The following ASPRV1 variants were observed in gnomAD, a reference collection of about 807,000 sequenced individuals.
The protein encoded by ASPRV1 is aspartic peptidase retroviral like 1, also known as retroviral-like aspartic protease 1.
In ASPRV1, 7 loss-of-function variants were observed where a neutral mutation model predicts 11.0. The ratio of observed to expected loss-of-function variants is 0.64; its 90% CI spans 0.36 to 1.20. The LOEUF (loss-of-function observed/expected upper bound fraction) is 1.20, where lower values mean the gene tolerates loss of function less well. ASPRV1 is among the 50% of genes most tolerant of loss of function. ASPRV1 has a pLI of 0.02. For synonymous variants in ASPRV1, 136 were observed against 138.4 expected (o/e 0.98, Z 0.12); for missense variants, 299 against 320.0 (o/e 0.93, Z 0.50).
the ASPRV1 span, among the ~76,000 whole-genome samples, chr2:69,981,333 TTGAC>T: frequency 1.3e-5 from 2 of 152,226 alleles, no homozygotes; most frequent in Non-Finnish European, 2.9e-5. Context: ...ATAATATTTA[TTGAC>T]GTGGAAAATG....
chr2:70,006,420 T>C, the ASPRV1 span, among the ~76,000 whole-genome samples: 1 of 152,166 alleles, frequency 6.6e-6, no homozygotes, highest in Non-Finnish European at 1.5e-5. Context: ...GGTGTAAATC[T>C]TCCCTCTTGC....
the ASPRV1 span, among the ~76,000 whole-genome samples, chr2:69,982,047 CCATCCATCCATCCAT>C: frequency 9.5e-6 from 1 of 104,982 alleles, no homozygotes. Flanking sequence ...ATCCATCCAT[CCATCCATCCATCCAT>C]CCATCCATCC....
At chr2:70,047,211 T>TA in the ASPRV1 span, among the ~76,000 whole-genome samples, 10 of 152,042 alleles carry the variant, frequency 6.6e-5, no homozygotes, top group Non-Finnish European at 1.2e-4. Context: ...TGAGAGTGGG[T>TA]AAGAACAAGA....
chr2:70,018,564 C>CCA, the ASPRV1 span, among the ~76,000 whole-genome samples: 4 of 151,808 alleles, frequency 2.6e-5, no homozygotes, highest in Non-Finnish European at 5.9e-5. Context: ...ATGGTACCAC[C>CCA]AAAAAACAGA....
At chr2:69,978,557 C>T in the ASPRV1 span, among the ~76,000 whole-genome samples, 1 of 152,248 alleles carries the variant, frequency 6.6e-6, no homozygotes, top group East Asian at 1.9e-4. Flanking sequence ...AGCTACCTCC[C>T]GTTCACCCTG....
the ASPRV1 span, among the ~76,000 whole-genome samples, chr2:70,004,734 C>T: frequency 6.6e-6 from 1 of 152,114 alleles, no homozygotes; most frequent in Admixed American, 6.6e-5. Flanking sequence ...CTCTTCTCGT[C>T]TCCTGCTCTA....
chr2:70,008,125 C>T, the ASPRV1 span, among the ~76,000 whole-genome samples: 37 of 152,084 alleles, frequency 2.4e-4, no homozygotes, highest in Middle Eastern at 0.02. Context: ...CATGAGCCAC[C>T]GTGCCCGGTC....
At chr2:70,086,111 T>G in the ASPRV1 span, 2 of 152,196 alleles carry the variant, frequency 1.3e-5, no homozygotes, top group African/African-American at 4.8e-5. Flanking sequence ...CGCGTTAAAA[T>G]TAGGCCTCCG....
the ASPRV1 span, chr2:69,942,990 G>A: frequency 6.6e-6 from 1 of 152,072 alleles, no homozygotes; most frequent in Admixed American, 6.6e-5. Flanking sequence ...CCCTTTCGTG[G>A]TTGTCCTTGC....
chr2:69,949,951 G>A, the ASPRV1 span, among the ~76,000 whole-genome samples: 1 of 152,122 alleles, frequency 6.6e-6, no homozygotes, highest in South Asian at 2.1e-4. Context: ...GAGTAGCTGG[G>A]ATTACAGGCG....
the ASPRV1 span, among the ~76,000 whole-genome samples, chr2:70,000,986 C>A: frequency 1.3e-5 from 2 of 151,626 alleles, no homozygotes; most frequent in African/African-American, 2.4e-5. Flanking sequence ...ATCAAATTTG[C>A]AAAATTTTCA....
At chr2:70,068,817 T>C in the ASPRV1 span, among the ~76,000 whole-genome samples, 1 of 151,142 alleles carries the variant, frequency 6.6e-6, no homozygotes, top group African/African-American at 2.4e-5. Flanking sequence ...TGGTGGCACA[T>C]GCCTATAATC....
At chr2:69,982,711 G>A in the ASPRV1 span, among the ~76,000 whole-genome samples, 1 of 152,180 alleles carries the variant, frequency 6.6e-6, no homozygotes, top group Non-Finnish European at 1.5e-5. Flanking sequence ...AGGCTGGGCA[G>A]TCCTGGGGGC....
At chr2:69,945,172 G>A in the ASPRV1 span, among the ~76,000 whole-genome samples, 25 of 152,254 alleles carry the variant, frequency 1.6e-4, no homozygotes, top group East Asian at 1.9e-3. Flanking sequence ...CCAGGAGGTC[G>A]AAGCTTCTTT....
At chr2:70,026,988 C>T in the ASPRV1 span, among the ~76,000 whole-genome samples, 3 of 152,038 alleles carry the variant, frequency 2.0e-5, no homozygotes, top group East Asian at 1.9e-4. Context: ...TGGACACTCA[C>T]GCCTGTAATC....
At chr2:70,035,336 C>G in the ASPRV1 span, among the ~76,000 whole-genome samples, 6 of 152,258 alleles carry the variant, frequency 3.9e-5, no homozygotes, top group South Asian at 1.2e-3. Context: ...TACCAGCTCA[C>G]AGAGCAGAAA....
In ASPRV1 at chr2:69,960,886, AG is replaced by A; in HGVS notation, c.550del (p.Leu184Ter). On this transcript the variant is annotated frameshift_variant, in exon 1 of 1. Coordinates refer to ENST00000320256, the MANE Select transcript of ASPRV1 (RefSeq NM_152792.4). LOFTEE classifies it high-confidence loss of function. ...DTAVSLGKLK[L>X]KAQFLVANAS... is the part of the protein sequence containing the mutation. ...ATTGGCCACTAGGAACTGTGCCTTC[AG>A]CTTCAGCTTGCCTAGGGACACCGCT... 1 of 1,614,100 alleles carries A rather than the reference AG, an allele frequency of 6.2e-7. No homozygotes were observed. Among genetic ancestry groups the A allele is most frequent in the Non-Finnish European group, 8.5e-7 (1 of 1,180,016 alleles).
chr2:70,056,604 C>CAAAAAAAAA, the ASPRV1 span: 10 of 75,696 alleles, frequency 1.3e-4, 2 homozygotes, highest in African/African-American at 7.9e-4. Flanking sequence ...GACTCCGTCT[C>CAAAAAAAAA]AAAAAAAAAA....
the ASPRV1 span, chr2:70,051,241 C>T: frequency 2.0e-5 from 3 of 152,152 alleles, no homozygotes; most frequent in Admixed American, 6.6e-5. Context: ...AGTCAGAATT[C>T]AGCCCCTAGC....
Sources: allele counts gnomAD v4.1 joint callset (sites outside exome capture counted in the v4.1 genomes callset), GRCh38; gene constraint gnomAD v4.1.1; transcripts MANE v1.5; gene names NCBI Gene and HGNC (gene_info 2026-07-23, HGNC 2026-07-21).